The following PIK3CA variants were observed in gnomAD, a reference collection of about 807,000 sequenced individuals.
PIK3CA encodes phosphatidylinositol-4,5-bisphosphate 3-kinase catalytic subunit alpha.
Under a neutral mutation model 138.2 loss-of-function variants are expected in PIK3CA, and 27 were observed. The ratio of observed to expected loss-of-function variants is 0.20; its 90% CI spans 0.14 to 0.27. The LOEUF (loss-of-function observed/expected upper bound fraction) is 0.27. Ranked by LOEUF, PIK3CA falls within the 10% of genes least tolerant of loss-of-function variation. The probability of loss-of-function intolerance (pLI) is 1.00; values close to 1 mark genes in which losing one functional copy is unlikely to be tolerated. For synonymous variants in PIK3CA, 358 were observed against 413.2 expected (o/e 0.87, Z 1.62); for missense variants, 544 against 1,277.4 (o/e 0.43, Z 8.75).
At chr3:179,232,915 T>A (rs1474148684) in intron 20 of PIK3CA, among the ~76,000 whole-genome samples, 1 of 152,118 alleles carries the variant, frequency 6.6e-6, no homozygotes, top group African/African-American at 2.4e-5. Context: ...TAGAGCGTAG[T>A]GGTGCGATCT....
chr3:179,170,074 G>A (rs201635701), intron 1 of PIK3CA, among the ~76,000 whole-genome samples: 93 of 120,000 alleles, frequency 7.7e-4, no homozygotes, highest in Middle Eastern at 4.5e-3. Flanking sequence ...ACACGCGCGC[G>A]CGCACACACA....
intron 9 of PIK3CA, among the ~76,000 whole-genome samples, chr3:179,214,299 G>A (rs1724788348): frequency 6.6e-6 from 1 of 152,152 alleles, no homozygotes; most frequent in Admixed American, 6.6e-5. Flanking sequence ...TGTGAAGCAA[G>A]AGACGTGGCA....
intron 18 of PIK3CA, 67 bp downstream of exon 18, chr3:179,229,509 G>C: frequency 8.3e-7 from 1 of 1,199,210 alleles, no homozygotes; most frequent in Non-Finnish European, 1.2e-6. Flanking sequence ...GTCGGTGTTT[G>C]TGTATTCCTC....
At chr3:179,229,497 C>A (rs2108423356) in intron 18 of PIK3CA, 55 bp downstream of exon 18, 2 of 1,383,954 alleles carry the variant, frequency 1.4e-6, no homozygotes, top group African/African-American at 1.4e-5. Flanking sequence ...TTAGATGAGT[C>A]TGTCGGTGTT....
chr3:179,161,038 G>A (rs757344079), intron 1 of PIK3CA, among the ~76,000 whole-genome samples: 2 of 152,208 alleles, frequency 1.3e-5, no homozygotes, highest in East Asian at 1.9e-4. Context: ...CTTCTTCCTC[G>A]GTGTAAGAGA....
At chr3:179,221,696 C>CTTTTTTTTT (rs200211358) in intron 14 of PIK3CA, among the ~76,000 whole-genome samples, 1 of 77,570 alleles carries the variant, frequency 1.3e-5, no homozygotes, top group East Asian at 3.7e-4. Context: ...ACAATGTAAA[C>CTTTTTTTTT]TTTTTTTTTT....
At chr3:179,151,221 G>C (rs1395140582) in intron 1 of PIK3CA, among the ~76,000 whole-genome samples, 6 of 152,220 alleles carry the variant, frequency 3.9e-5, no homozygotes, top group Non-Finnish European at 8.8e-5. Flanking sequence ...GCCGTAGACA[G>C]AGTGGTATTA....
At chr3:179,192,597 A>G (rs1465323779) in intron 1 of PIK3CA, among the ~76,000 whole-genome samples, 1 of 152,250 alleles carries the variant, frequency 6.6e-6, no homozygotes, top group Non-Finnish European at 1.5e-5. Flanking sequence ...TACAGGGATC[A>G]GCAAACTTTT....
chr3:179,216,516 G>A (rs1724839830), intron 9 of PIK3CA, among the ~76,000 whole-genome samples: 1 of 152,096 alleles, frequency 6.6e-6, no homozygotes, highest in Non-Finnish European at 1.5e-5. Flanking sequence ...AGATGATATA[G>A]AAATAAAATA....
intron 1 of PIK3CA, among the ~76,000 whole-genome samples, chr3:179,192,090 A>G (rs1196829067): frequency 1.3e-5 from 2 of 152,356 alleles, no homozygotes; most frequent in Admixed American, 1.3e-4. Context: ...GTCAAGTAAT[A>G]GTTTTCTGTA....
chr3:179,189,903 T>C (rs960905422), intron 1 of PIK3CA, among the ~76,000 whole-genome samples: 41 of 152,318 alleles, frequency 2.7e-4, no homozygotes, highest in African/African-American at 9.1e-4. Flanking sequence ...GACGGCACTT[T>C]GAAAGAAATG....
intron 1 of PIK3CA, among the ~76,000 whole-genome samples, chr3:179,170,775 TAAGAG>T (rs1723540630): frequency 6.6e-6 from 1 of 152,152 alleles, no homozygotes; most frequent in Admixed American, 6.5e-5. Flanking sequence ...TATATGCACT[TAAGAG>T]AGGCACAAAA....
chr3:179,223,162 A>G (rs1211781799), intron 14 of PIK3CA, among the ~76,000 whole-genome samples: 1 of 152,264 alleles, frequency 6.6e-6, no homozygotes, highest in Non-Finnish European at 1.5e-5. Context: ...ATGCCTTTAC[A>G]TGAACAAGAG....
At position 179,220,413 on chromosome 3, in the gene PIK3CA, A is replaced by ATTTT. The variant is rs1224852557; in HGVS notation, c.2015+362_2015+363insTTTT. Among the ~76,000 whole-genome samples, 4 of 152,212 alleles carry ATTTT rather than the reference A, an allele frequency of 2.6e-5. No individual in the cohort carries two copies. The highest frequency in any genetic ancestry group is 2.9e-5 in the Non-Finnish European group (2 of 68,020). On this transcript the variant is annotated intron_variant, in intron 13 of 20. Coordinates refer to ENST00000263967, the MANE Select transcript of PIK3CA (RefSeq NM_006218.4). This position sits in a 1 kb window ranked among gnomAD's most constrained non-coding sequence, Gnocchi z 4.1. Reference sequence around the variant, plus strand: ...ATGTTTTACCTTGAAATTCAGAACAATGTCAAACTCCCGTGGTTCTTACTG... The same window carrying ATTTT: ...ATGTTTTACCTTGAAATTCAGAACAATTTTTGTCAAACTCCCGTGGTTCTTACTG...
At chr3:179,172,262 GA>G (rs564300368) in intron 1 of PIK3CA, among the ~76,000 whole-genome samples, 59 of 149,332 alleles carry the variant, frequency 4.0e-4, no homozygotes, top group African/African-American at 6.4e-4. Context: ...GAATGTCTGT[GA>G]AAAAAAAAAT....
At chr3:179,158,449 G>T (rs1723193603) in intron 1 of PIK3CA, among the ~76,000 whole-genome samples, 1 of 151,994 alleles carries the variant, frequency 6.6e-6, no homozygotes, top group African/African-American at 2.4e-5. Flanking sequence ...CTCTACCATT[G>T]AAGCAGTTTT....
chr3:179,190,580 C>T (rs748911024), intron 1 of PIK3CA, among the ~76,000 whole-genome samples: 22 of 152,136 alleles, frequency 1.4e-4, no homozygotes, highest in Admixed American at 3.3e-4. Flanking sequence ...GTTTTGTTCT[C>T]CTGTTCCAAA....
intron 1 of PIK3CA, among the ~76,000 whole-genome samples, chr3:179,188,015 A>G (rs747825614): frequency 6.6e-6 from 1 of 152,212 alleles, no homozygotes; most frequent in Non-Finnish European, 1.5e-5. Context: ...ACTGCCTTCA[A>G]ATGAGCCTAC....
At chr3:179,187,697 G>T (rs906685717) in intron 1 of PIK3CA, among the ~76,000 whole-genome samples, 1 of 151,084 alleles carries the variant, frequency 6.6e-6, no homozygotes, top group African/African-American at 2.4e-5. Context: ...GAGTGCAGTG[G>T]CACCATCTCG....
Sources: allele counts gnomAD v4.1 joint callset (sites outside exome capture counted in the v4.1 genomes callset), GRCh38; gene constraint gnomAD v4.1.1; non-coding constraint Gnocchi (gnomAD v3.1); transcripts MANE v1.5; gene names NCBI Gene and HGNC (gene_info 2026-07-23, HGNC 2026-07-21).